The following HSD17B2 variants were observed in gnomAD, a reference collection of about 807,000 sequenced individuals.
HSD17B2 encodes the protein hydroxysteroid 17-beta dehydrogenase 2, also known as 17-beta-hydroxysteroid dehydrogenase type 2.
A neutral mutation model predicts 26.9 loss-of-function variants in HSD17B2; 32 were observed. That is an observed-to-expected ratio of 1.19 (90% confidence interval 0.90 to 1.60). The LOEUF is 1.60. Among genes scored for constraint, HSD17B2 ranks in the 40% most tolerant of loss-of-function variants. The pLI is 0.00. For missense variants in HSD17B2, 613 were observed against 468.6 expected, an observed-to-expected ratio of 1.31 and a Z score of -2.85; for synonymous variants, 246 against 186.7, an observed-to-expected ratio of 1.32 and a Z score of -2.59.
rs1235488849 is a variant in HSD17B2, at chr16:82,068,306, G to T, written c.402G>T (p.Val134=). 1.9e-6 allele frequency: 3 copies of T among 1,614,100 alleles called. No individual in the cohort carries two copies. Among genetic ancestry groups the T allele is most frequent in the African/African-American group, 2.7e-5 (2 of 75,044 alleles). ...GAACCTGCTCTCCGCGCCTCTCGGT[G>T]CTCCAAATGGACATCACGAAGCCAG... ...LRRTCSPRLS[V]LQMDITKPVQ... is the part of the protein sequence containing the mutation. The change falls in exon 2 of 5, where the codon GTG becomes GTT. Residue 134 remains valine, a synonymous_variant. Coordinates refer to ENST00000199936, the MANE Select transcript of HSD17B2 (RefSeq NM_002153.3).
intron 4 of HSD17B2, chr16:82,097,350 T>TACACATAC (rs1904878541): frequency 9.8e-6 from 1 of 101,718 alleles, no homozygotes; most frequent in Non-Finnish European, 2.4e-5. Flanking sequence ...TATATATGTG[T>TACACATAC]ACACACACAC....
intron 1 of HSD17B2, among the ~76,000 whole-genome samples, chr16:82,040,181 A>G (rs1483776848): frequency 6.6e-6 from 1 of 152,216 alleles, no homozygotes. Flanking sequence ...TATGCTCACA[A>G]GAAAGTGTCT....
intron 1 of HSD17B2, among the ~76,000 whole-genome samples, 156 bp downstream of exon 1, chr16:82,035,845 C>T (rs887384795): frequency 6.9e-6 from 1 of 145,516 alleles, no homozygotes; most frequent in East Asian, 1.9e-4. Flanking sequence ...GTTTTCGTTC[C>T]GTTTTTTCCA....
intron 3 of HSD17B2, among the ~76,000 whole-genome samples, chr16:82,085,576 T>TA (rs59543299): frequency 0.019 from 2,738 of 144,802 alleles, 37 homozygotes; most frequent in Middle Eastern, 0.035. Context: ...AGGAGGGGCA[T>TA]AAAAAAAAAA....
chr16:82,083,175 G>A (rs1183178582), intron 3 of HSD17B2, among the ~76,000 whole-genome samples: 1 of 152,168 alleles, frequency 6.6e-6, no homozygotes, highest in Non-Finnish European at 1.5e-5. Context: ...CTACGGGTGG[G>A]AAGTTCCAGG....
intron 4 of HSD17B2, chr16:82,096,675 A>G (rs1421006386): frequency 6.6e-6 from 1 of 152,190 alleles, no homozygotes; most frequent in Non-Finnish European, 1.5e-5. Context: ...ATAGTCACCA[A>G]AAGATGAGTG....
intron 3 of HSD17B2, among the ~76,000 whole-genome samples, chr16:82,074,011 T>C (rs1356786677): frequency 2.0e-5 from 3 of 151,914 alleles, no homozygotes; most frequent in Non-Finnish European, 4.4e-5. Flanking sequence ...GATACAAAGG[T>C]CAATGGAACA....
At chr16:82,069,467 C>T (rs890487267) in intron 2 of HSD17B2, among the ~76,000 whole-genome samples, 4 of 152,232 alleles carry the variant, frequency 2.6e-5, no homozygotes, top group African/African-American at 7.2e-5. Flanking sequence ...TTTTAACTTC[C>T]CTGCAGTATT....
At chr16:82,083,162 C>T (rs931879618) in intron 3 of HSD17B2, among the ~76,000 whole-genome samples, 3 of 152,220 alleles carry the variant, frequency 2.0e-5, no homozygotes, top group Admixed American at 6.5e-5. Context: ...TCTAAATACA[C>T]TCCTACGGGT....
At chr16:82,061,410 G>T (rs766403919) in intron 1 of HSD17B2, among the ~76,000 whole-genome samples, 2 of 152,140 alleles carry the variant, frequency 1.3e-5, no homozygotes, top group Non-Finnish European at 2.9e-5. Flanking sequence ...TTTAAAGATG[G>T]GGAAACTGGG....
chr16:82,065,642 G>T (rs952229101), intron 1 of HSD17B2, among the ~76,000 whole-genome samples: 1 of 152,214 alleles, frequency 6.6e-6, no homozygotes, highest in African/African-American at 2.4e-5. Context: ...TTCAAAGTTA[G>T]TTATTTTCAG....
intron 1 of HSD17B2, among the ~76,000 whole-genome samples, chr16:82,057,302 G>A (rs111533902): frequency 0.02 from 3,035 of 151,876 alleles, 121 homozygotes; most frequent in African/African-American, 0.07. Context: ...GGGTTCAAGC[G>A]ATTCTCCTGC....
At chr16:82,062,420 G>A (rs556225720) in intron 1 of HSD17B2, among the ~76,000 whole-genome samples, 2 of 152,170 alleles carry the variant, frequency 1.3e-5, no homozygotes, top group South Asian at 4.1e-4. Flanking sequence ...AGTTTGTAAG[G>A]CACAAATATT....
In HSD17B2 at chr16:82,098,117, A is replaced by C. The variant is rs941902015; in HGVS notation, c.845A>C (p.Asp282Ala). Residue 282 changes from aspartate to alanine, a missense_variant, in exon 5 of 5, where the codon GAC (aspartate) becomes GCC (alanine). Transcript: ENST00000199936. ...GACAAGTGGGAAAAGCTGGAGAAGG[A>C]CATTCTGGACCACCTCCCCGCTGAG... is the stretch of plus-strand genomic sequence containing the variant. ...TSDKWEKLEK[D>A]ILDHLPAEVQ... 1.2e-6 allele frequency: 2 copies of C among 1,613,916 alleles called. No individual in the cohort carries two copies. The highest frequency in any genetic ancestry group is 1.7e-6 in the Non-Finnish European group (2 of 1,179,926).
intron 1 of HSD17B2, among the ~76,000 whole-genome samples, chr16:82,046,705 T>C (rs887345342): frequency 6.6e-6 from 1 of 152,078 alleles, no homozygotes; most frequent in African/African-American, 2.4e-5. Flanking sequence ...TGAAAATCTT[T>C]AAGTGTACAC....
chr16:82,050,219 C>T (rs536570251), intron 1 of HSD17B2, among the ~76,000 whole-genome samples: 17 of 152,310 alleles, frequency 1.1e-4, no homozygotes, highest in Non-Finnish European at 2.4e-4. Flanking sequence ...GGACCCTTCC[C>T]TACCTGGCCC....
intron 1 of HSD17B2, among the ~76,000 whole-genome samples, chr16:82,064,611 C>G (rs1485679914): frequency 6.6e-6 from 1 of 152,108 alleles, no homozygotes; most frequent in African/African-American, 2.4e-5. Flanking sequence ...GTTTTAGTGT[C>G]TGCAGTAAGT....
chr16:82,082,015 T>C (rs576445288), intron 3 of HSD17B2, among the ~76,000 whole-genome samples: 2 of 152,318 alleles, frequency 1.3e-5, no homozygotes, highest in Admixed American at 1.3e-4. Flanking sequence ...AAATACCACA[T>C]GTCCTCACTT....
At chr16:82,077,620 C>T (rs1420447801) in intron 3 of HSD17B2, among the ~76,000 whole-genome samples, 1 of 152,072 alleles carries the variant, frequency 6.6e-6, no homozygotes, top group Non-Finnish European at 1.5e-5. Flanking sequence ...GTCCTAGCTA[C>T]TCAGGAGGCT....
Sources: allele counts gnomAD v4.1 joint callset (sites outside exome capture counted in the v4.1 genomes callset), GRCh38; gene constraint gnomAD v4.1.1; transcripts MANE v1.5; gene names NCBI Gene and HGNC (gene_info 2026-07-23, HGNC 2026-07-21).